Variants in TMTC1 observed in about 807,000 individuals in gnomAD.
TMTC1 encodes the protein protein O-mannosyl-transferase TMTC1.
Under a neutral mutation model 104.8 loss-of-function variants are expected in TMTC1, and 73 were observed. The observed-to-expected ratio is 0.70, with a 90% confidence interval of 0.58 to 0.85. TMTC1 has a LOEUF of 0.85. Among genes scored for constraint, TMTC1 ranks in the 40% least tolerant of loss-of-function variants. The pLI is 0.00. For synonymous variants in TMTC1, 434 were observed against 428.7 expected (o/e 1.01, Z -0.15); for missense variants, 1,035 against 1,096.1 (o/e 0.94, Z 0.79).
chr12:29,571,793 C>T (rs1294204748), intron 9 of TMTC1, among the ~76,000 whole-genome samples: 1 of 152,186 alleles, frequency 6.6e-6, no homozygotes, highest in South Asian at 2.1e-4. Context: ...GAGAACTTAC[C>T]AATATATTTT....
intron 6 of TMTC1, among the ~76,000 whole-genome samples, chr12:29,612,874 T>C (rs1316409573): frequency 6.6e-6 from 1 of 152,214 alleles, no homozygotes; most frequent in East Asian, 1.9e-4. Flanking sequence ...ATAATCACTT[T>C]TGACATATGA....
At chr12:29,558,385 A>T (rs1945299756) in intron 9 of TMTC1, among the ~76,000 whole-genome samples, 1 of 152,194 alleles carries the variant, frequency 6.6e-6, no homozygotes, top group African/African-American at 2.4e-5. Context: ...CTGGGACAGA[A>T]GAGGTTCCTA....
At chr12:29,544,372 C>T (rs1441328950) in intron 10 of TMTC1, among the ~76,000 whole-genome samples, 1 of 149,856 alleles carries the variant, frequency 6.7e-6, no homozygotes, top group Non-Finnish European at 1.5e-5. Context: ...TCCTACCCTT[C>T]TCCCACCTGG....
At chr12:29,664,245 A>G (rs1203232967) in intron 5 of TMTC1, among the ~76,000 whole-genome samples, 1 of 151,836 alleles carries the variant, frequency 6.6e-6, no homozygotes, top group Non-Finnish European at 1.5e-5. Context: ...AATAAAATAA[A>G]ATGTAGCATC....
chr12:29,664,526 C>T (rs1345822773), intron 5 of TMTC1, among the ~76,000 whole-genome samples: 2 of 152,282 alleles, frequency 1.3e-5, no homozygotes, highest in African/African-American at 2.4e-5. Context: ...CCAATACACA[C>T]GATCTGTGAA....
intron 5 of TMTC1, among the ~76,000 whole-genome samples, chr12:29,722,775 G>T (rs1461898355): frequency 1.3e-5 from 2 of 151,972 alleles, no homozygotes; most frequent in Non-Finnish European, 2.9e-5. Context: ...CAAAAAAACA[G>T]CAGGGTGTGG....
Position 29,691,863 on chromosome 12 carries a change from C to T in TMTC1, c.939-58527G>A, listed in dbSNP as rs1591932941. 1.4e-5 allele frequency among the ~76,000 whole-genome samples: 2 copies of T among 144,900 alleles called. 1 individual carries two copies. The highest frequency in any genetic ancestry group is 1.4e-4 in the Admixed American group (2 of 14,038). On this transcript the variant is annotated intron_variant, in intron 5 of 17. Coordinates refer to ENST00000539277, the MANE Select transcript of TMTC1 (RefSeq NM_001193451.2). ...ATTATTTAGTCAACACTAAGAGGCT[C>T]CAATGGAGCTACTGCTGTGTCCAGA...
intron 5 of TMTC1, among the ~76,000 whole-genome samples, chr12:29,637,665 T>C (rs551319755): frequency 2.4e-4 from 37 of 152,296 alleles, no homozygotes; most frequent in African/African-American, 8.2e-4. Flanking sequence ...TTTTCATTTT[T>C]ATCGAGAAAA....
chr12:29,703,703 T>C (rs1565781321), intron 5 of TMTC1, among the ~76,000 whole-genome samples: 1 of 152,214 alleles, frequency 6.6e-6, no homozygotes, highest in African/African-American at 2.4e-5. Context: ...CTGACTGTTT[T>C]ATACTCCTGG....
At chr12:29,701,088 T>A (rs1941578625) in intron 5 of TMTC1, among the ~76,000 whole-genome samples, 1 of 151,410 alleles carries the variant, frequency 6.6e-6, no homozygotes, top group Admixed American at 6.6e-5. Flanking sequence ...TGACTGAGAG[T>A]CTTGCTTTTG....
chr12:29,606,743 T>C (rs542672231), intron 6 of TMTC1, among the ~76,000 whole-genome samples: 1 of 152,262 alleles, frequency 6.6e-6, no homozygotes, highest in South Asian at 2.1e-4. Flanking sequence ...CCACGGCCCC[T>C]CATCAAGGTT....
At chr12:29,751,527 AG>A (rs988256911) in intron 5 of TMTC1, 138 bp downstream of exon 5, 32 of 836,340 alleles carry the variant, frequency 3.8e-5, no homozygotes, top group Admixed American at 7.7e-5. Flanking sequence ...GACAGGAAGA[AG>A]GGGGTAAGGA....
intron 8 of TMTC1, among the ~76,000 whole-genome samples, chr12:29,576,889 A>C (rs367899749): frequency 1.3e-5 from 2 of 152,310 alleles, no homozygotes; most frequent in African/African-American, 4.8e-5. Flanking sequence ...ATATCAAAAC[A>C]CGTTGTACAC....
At chr12:29,780,577 C>T (rs559622641) in intron 1 of TMTC1, among the ~76,000 whole-genome samples, 38 of 152,044 alleles carry the variant, frequency 2.5e-4, no homozygotes, top group Non-Finnish European at 3.8e-4. Context: ...GGAATTGTTC[C>T]GTATCTTGAC....
intron 10 of TMTC1, among the ~76,000 whole-genome samples, chr12:29,542,641 G>T (rs935767067): frequency 6.6e-6 from 1 of 152,084 alleles, no homozygotes; most frequent in African/African-American, 2.4e-5. Context: ...AGCCTCTCAG[G>T]TGATTCTGCT....
intron 15 of TMTC1, 40 bp from the exon 16 acceptor site, chr12:29,514,644 A>C (rs1182735481): frequency 1.3e-6 from 2 of 1,580,002 alleles, no homozygotes; most frequent in Non-Finnish European, 1.7e-6. Flanking sequence ...AATGCAGATT[A>C]GGTAAAGAAA....
chr12:29,551,792 T>C (rs1945112717), intron 10 of TMTC1, among the ~76,000 whole-genome samples: 1 of 150,788 alleles, frequency 6.6e-6, no homozygotes, highest in African/African-American at 2.4e-5. Context: ...TTCTTCTTTT[T>C]TTTTTTTTTT....
At chr12:29,638,127 C>A (rs560786390) in intron 5 of TMTC1, among the ~76,000 whole-genome samples, 1 of 152,068 alleles carries the variant, frequency 6.6e-6, no homozygotes, top group African/African-American at 2.4e-5. Context: ...CTTGGGCTCA[C>A]GGACCTAAGT....
At chr12:29,654,720 C>CAAAA (rs34793977) in intron 5 of TMTC1, among the ~76,000 whole-genome samples, 14 of 141,206 alleles carry the variant, frequency 9.9e-5, no homozygotes, top group African/African-American at 1.5e-4. Flanking sequence ...CCATTTTTAT[C>CAAAA]AAAAAAAAAA....
Sources: allele counts gnomAD v4.1 joint callset (sites outside exome capture counted in the v4.1 genomes callset), GRCh38; gene constraint gnomAD v4.1.1; transcripts MANE v1.5; gene names NCBI Gene and HGNC (gene_info 2026-07-23, HGNC 2026-07-21).